RPS6KA2: variants seen among roughly 807,000 people sequenced by gnomAD.
The protein encoded by RPS6KA2 is ribosomal protein S6 kinase A2, also known as ribosomal protein S6 kinase alpha-2.
Under a neutral mutation model 91.8 loss-of-function variants are expected in RPS6KA2, and 42 were observed. The ratio of observed to expected loss-of-function variants is 0.46; its 90% CI spans 0.36 to 0.59. RPS6KA2 has a LOEUF of 0.59. Among genes scored for constraint, RPS6KA2 ranks in the 20% least tolerant of loss-of-function variants. RPS6KA2 has a pLI of 0.00. For missense variants in RPS6KA2, 798 were observed against 978.5 expected (o/e 0.82, Z 2.46); for synonymous variants, 414 against 393.6 (o/e 1.05, Z -0.61).
intron 11 of RPS6KA2, among the ~76,000 whole-genome samples, chr6:166,469,479 G>C (rs1269997440): frequency 1.3e-5 from 2 of 152,172 alleles, no homozygotes; most frequent in African/African-American, 4.8e-5. Context: ...TTCAGCCCTT[G>C]AGGTTAGAAG....
intron 2 of RPS6KA2, among the ~76,000 whole-genome samples, chr6:166,699,414 T>G (rs1410535870): frequency 6.6e-6 from 1 of 152,230 alleles, no homozygotes; most frequent in Non-Finnish European, 1.5e-5. Flanking sequence ...TCTGAGAACA[T>G]TAAGGAAAAC....
In RPS6KA2 at chr6:166,770,843, C is replaced by T. The variant is rs1245447060; in HGVS notation, c.123+87357G>A. On this transcript the variant is annotated intron_variant, in intron 2 of 21. Coordinates refer to the RPS6KA2 transcript ENST00000503859. This position sits in a 1 kb window ranked among gnomAD's most constrained non-coding sequence, Gnocchi z 5.1. Reference sequence around the variant, plus strand: ...TCACATAAGCATGGAAAAAAACAAACCCACAGGAACGCTTCTTACCTCTAC... The same window carrying T: ...TCACATAAGCATGGAAAAAAACAAATCCACAGGAACGCTTCTTACCTCTAC... The T allele has an allele frequency of 1.3e-6, 2 of 1,576,680 alleles. No individual in the cohort carries two copies. Among genetic ancestry groups the T allele is most frequent in the African/African-American group, 2.7e-5 (2 of 73,408 alleles).
intron 2 of RPS6KA2, among the ~76,000 whole-genome samples, chr6:166,769,723 G>A (rs1326124159): frequency 6.6e-6 from 1 of 152,230 alleles, no homozygotes; most frequent in Non-Finnish European, 1.5e-5. Context: ...ATGGAATGCA[G>A]TAGGGACCTC....
chr6:166,831,644 G>C (rs1780184948), intron 2 of RPS6KA2, among the ~76,000 whole-genome samples: 1 of 151,352 alleles, frequency 6.6e-6, no homozygotes, highest in Non-Finnish European at 1.5e-5. Flanking sequence ...CCCTGGGCCT[G>C]GGCTCGGTAG....
At chr6:166,846,052 A>G (rs1780597147) in intron 2 of RPS6KA2, among the ~76,000 whole-genome samples, 1 of 152,180 alleles carries the variant, frequency 6.6e-6, no homozygotes, top group South Asian at 2.1e-4. Context: ...ATAGAAATGC[A>G]AAAGATTTTT....
chr6:166,780,145 T>C (rs114564540), intron 2 of RPS6KA2, among the ~76,000 whole-genome samples: 1,705 of 152,290 alleles, frequency 0.011, 28 homozygotes, highest in African/African-American at 0.036. Flanking sequence ...CTGTGACCAA[T>C]AGCAGCATAG....
intron 2 of RPS6KA2, among the ~76,000 whole-genome samples, chr6:166,755,835 T>G (rs1197645591): frequency 6.6e-6 from 1 of 152,176 alleles, no homozygotes; most frequent in Non-Finnish European, 1.5e-5. Context: ...TGTAACGGAC[T>G]CAGGGCTGAG....
intron 1 of RPS6KA2, among the ~76,000 whole-genome samples, chr6:166,550,793 G>C (rs1012735423): frequency 2.6e-5 from 4 of 152,004 alleles, no homozygotes; most frequent in African/African-American, 4.8e-5. Flanking sequence ...ACAAGGTCAG[G>C]AGATCGACAC....
At chr6:166,780,440 C>T (rs1408000631) in intron 2 of RPS6KA2, among the ~76,000 whole-genome samples, 1 of 152,188 alleles carries the variant, frequency 6.6e-6, no homozygotes, top group Non-Finnish European at 1.5e-5. Context: ...ACAGCCCCAG[C>T]GGGAGCCAGG....
chr6:166,420,895 G>A (rs1172738885), intron 17 of RPS6KA2, among the ~76,000 whole-genome samples: 1 of 152,202 alleles, frequency 6.6e-6, no homozygotes, highest in Non-Finnish European at 1.5e-5. Context: ...AACAACAAAG[G>A]AAGCCACAAT....
At position 166,517,097 on chromosome 6, in the gene RPS6KA2, G is replaced by C. The variant is rs1782672101; in HGVS notation, c.299-6740C>G. Among the ~76,000 whole-genome samples, 3 of 151,398 alleles carry C rather than the reference G, an allele frequency of 2.0e-5. No individual in the cohort carries two copies. In the South Asian group the frequency reaches 6.2e-4, roughly 32 times the overall value. On this transcript the variant is annotated intron_variant, in intron 3 of 20. Transcript: ENST00000265678. The stretch of plus-strand genomic sequence containing the variant: ...ATTCAAATTTTGAAGGGACTACCTA[G>C]TTACAGTAAAAAAAAAAATAGGTCT...
Position 166,662,892 on chromosome 6 carries a change from T to G in RPS6KA2, c.124-124108A>C, listed in dbSNP as rs1276493963. 2.6e-5 allele frequency among the ~76,000 whole-genome samples: 4 copies of G among 152,070 alleles called. No individual in the cohort carries two copies. The highest frequency in any genetic ancestry group is 5.9e-5 in the Non-Finnish European group (4 of 68,016). On this transcript the variant is annotated intron_variant, in intron 2 of 21. Coordinates refer to the RPS6KA2 transcript ENST00000503859. The surrounding 1 kb of genome is among the most constrained non-coding windows in gnomAD (Gnocchi z 4.3). Reference sequence around the variant, plus strand: ...GCTGTCCTTAGAAGAAGAGGAAGTCTGAATACGCAGAGACACCGGGGCCGC... The same window carrying G: ...GCTGTCCTTAGAAGAAGAGGAAGTCGGAATACGCAGAGACACCGGGGCCGC...
chr6:166,701,306 C>G, intron 2 of RPS6KA2: 1 of 1,586,028 alleles, frequency 6.3e-7, no homozygotes, highest in Non-Finnish European at 8.5e-7. Flanking sequence ...AGTTCATTCA[C>G]CGTTTTGCCT....
At chr6:166,461,170 G>T (rs1447808371) in intron 11 of RPS6KA2, among the ~76,000 whole-genome samples, 1 of 152,194 alleles carries the variant, frequency 6.6e-6, no homozygotes, top group Non-Finnish European at 1.5e-5. Flanking sequence ...GGAGAAACAG[G>T]ATTGAATTCA....
chr6:166,758,241 A>G (rs1361477693), intron 2 of RPS6KA2, among the ~76,000 whole-genome samples: 1 of 152,122 alleles, frequency 6.6e-6, no homozygotes, highest in Non-Finnish European at 1.5e-5. Context: ...CAAGGGTGCG[A>G]GGATGTCATC....
intron 1 of RPS6KA2, among the ~76,000 whole-genome samples, chr6:166,576,347 G>A (rs182253587): frequency 2.1e-4 from 32 of 152,342 alleles, no homozygotes; most frequent in African/African-American, 6.7e-4. Flanking sequence ...GGCAGAGGCT[G>A]GAACAGTCTG....
chr6:166,534,817 C>T (rs947747285), intron 2 of RPS6KA2, among the ~76,000 whole-genome samples: 8 of 152,238 alleles, frequency 5.3e-5, no homozygotes, highest in African/African-American at 9.6e-5. Flanking sequence ...CCAGGTACTG[C>T]GAATTCCTGC....
intron 17 of RPS6KA2, among the ~76,000 whole-genome samples, chr6:166,422,285 C>T (rs1000933738): frequency 1.3e-5 from 2 of 152,184 alleles, no homozygotes; most frequent in African/African-American, 4.8e-5. Context: ...TCAGTCCAGC[C>T]CCTGGCTGCA....
chr6:166,614,475 C>T (rs902988511), intron 1 of RPS6KA2, among the ~76,000 whole-genome samples: 2 of 152,258 alleles, frequency 1.3e-5, no homozygotes, highest in African/African-American at 2.4e-5. Flanking sequence ...GGCCCCTGCC[C>T]GTGTCCCTCC....
Sources: allele counts gnomAD v4.1 joint callset (sites outside exome capture counted in the v4.1 genomes callset), GRCh38; gene constraint gnomAD v4.1.1; non-coding constraint Gnocchi (gnomAD v3.1); transcripts MANE v1.5; gene names NCBI Gene and HGNC (gene_info 2026-07-23, HGNC 2026-07-21).